The following NOL10 variants were observed in gnomAD, a reference collection of about 807,000 sequenced individuals.
NOL10 encodes the protein nucleolar protein 10.
Under a neutral mutation model 103.5 loss-of-function variants are expected in NOL10, and 58 were observed. The observed-to-expected ratio is 0.56, with a 90% CI of 0.45 to 0.70. The LOEUF is 0.70. NOL10 is among the 30% of genes least tolerant of loss of function. The pLI, the probability that NOL10 is intolerant of heterozygous loss-of-function variation, is 0.00. For missense variants in NOL10, 763 were observed against 807.3 expected (o/e 0.95, Z 0.67); for synonymous variants, 287 against 282.5 (o/e 1.02, Z -0.16).
chr2:10,663,187 C>A (rs1489444506), intron 8 of NOL10, 143 bp from the exon 9 acceptor site: 2 of 586,570 alleles, frequency 3.4e-6, no homozygotes, highest in Non-Finnish European at 6.1e-6. Context: ...ACTAACATGG[C>A]GAAACTCTGT....
intron 13 of NOL10, among the ~76,000 whole-genome samples, chr2:10,641,483 T>C (rs13027316): frequency 0.29 from 44,456 of 152,104 alleles, 7,086 homozygotes; most frequent in Non-Finnish European, 0.36. Flanking sequence ...TTTCATGTAC[T>C]TTGTAACCCA....
At chr2:10,636,597 G>A (rs1369077485) in intron 13 of NOL10, among the ~76,000 whole-genome samples, 1 of 138,004 alleles carries the variant, frequency 7.2e-6, no homozygotes, top group East Asian at 2.1e-4. Flanking sequence ...GAGACAGAGT[G>A]CGACCTTCAA....
chr2:10,595,922 A>C (rs1675664510), intron 17 of NOL10, among the ~76,000 whole-genome samples: 1 of 152,080 alleles, frequency 6.6e-6, no homozygotes, highest in Admixed American at 6.5e-5. Context: ...CTGTGCCCAG[A>C]CTGAAATGTT....
intron 13 of NOL10, among the ~76,000 whole-genome samples, chr2:10,625,865 T>C (rs1033968536): frequency 2.0e-5 from 3 of 152,118 alleles, no homozygotes; most frequent in African/African-American, 7.2e-5. Flanking sequence ...ATACATTTTT[T>C]TCATAATACA....
At chr2:10,603,753 TCA>T (rs1676107265) in intron 14 of NOL10, among the ~76,000 whole-genome samples, 1 of 152,196 alleles carries the variant, frequency 6.6e-6, no homozygotes, top group Non-Finnish European at 1.5e-5. Flanking sequence ...AACAATACTT[TCA>T]CAGAGTTTCC....
At chr2:10,591,904 G>C (rs1029349687) in intron 17 of NOL10, among the ~76,000 whole-genome samples, 4 of 152,190 alleles carry the variant, frequency 2.6e-5, no homozygotes, top group African/African-American at 9.7e-5. Flanking sequence ...TTGGAAGGCT[G>C]AGGTAGGAGG....
At position 10,614,014 on chromosome 2, in the gene NOL10, C is replaced by T. The variant is rs567314886; in HGVS notation, c.1027-6703G>A. Among the ~76,000 whole-genome samples the T allele has an allele frequency of 1.1e-3, 161 of 151,150 alleles. No individual in the cohort carries two copies. In the East Asian group the frequency reaches 0.015, roughly 14 times the overall value. On this transcript the variant is annotated intron_variant, in intron 13 of 20. Transcript: ENST00000381685. ...TCACTCTGTCACCCAGGCTGAAGTG[C>T]AGTGCCACGATCTCAGCTCACTGCA... is the stretch of plus-strand genomic sequence containing the variant.
intron 10 of NOL10, among the ~76,000 whole-genome samples, chr2:10,658,458 G>A (rs1427679579): frequency 6.6e-6 from 1 of 152,096 alleles, no homozygotes; most frequent in Non-Finnish European, 1.5e-5. Flanking sequence ...CTTGTAGGAG[G>A]CAAGTGTACA....
intron 2 of NOL10, among the ~76,000 whole-genome samples, chr2:10,682,527 A>G (rs917515735): frequency 6.6e-6 from 1 of 151,214 alleles, no homozygotes; most frequent in East Asian, 2.0e-4. Flanking sequence ...AGCCCCCCCA[A>G]ATAGCTAGGA....
intron 19 of NOL10, among the ~76,000 whole-genome samples, chr2:10,584,732 G>GT (rs1309671745): frequency 3.2e-4 from 48 of 152,218 alleles, no homozygotes; most frequent in African/African-American, 1.1e-3. Context: ...ATTTAACTTA[G>GT]TAAGAATGTT....
chr2:10,661,656 C>A (rs1572398856), intron 9 of NOL10, among the ~76,000 whole-genome samples: 1 of 152,190 alleles, frequency 6.6e-6, no homozygotes, highest in Admixed American at 6.5e-5. Context: ...CAGGTGTGAG[C>A]CACCGTGCCT....
At chr2:10,667,373 G>C in intron 7 of NOL10, 95 bp from the exon 8 acceptor site, 2 of 876,628 alleles carry the variant, frequency 2.3e-6, no homozygotes, top group Non-Finnish European at 3.7e-6. Context: ...CCCAAATTCT[G>C]AGTAGAAAGA....
At chr2:10,590,561 TACTGGGAAACAGAAGGGACGTTTC>T (rs1205313793) in intron 17 of NOL10, among the ~76,000 whole-genome samples, 2,060 of 31,504 alleles carry the variant, frequency 0.065, 57 homozygotes, top group African/African-American at 0.29. Flanking sequence ...CCAGCTGAGT[TACTGGGAAACAGAAGGGACGTTTC>T]CATCCCCTAC....
At chr2:10,652,039 AG>A (rs1266410240) in intron 12 of NOL10, among the ~76,000 whole-genome samples, 1 of 152,150 alleles carries the variant, frequency 6.6e-6, no homozygotes, top group Non-Finnish European at 1.5e-5. Flanking sequence ...CAGGAGTTCG[AG>A]ACCAGCCTGA....
chr2:10,646,782 A>G (rs776592564), intron 12 of NOL10, among the ~76,000 whole-genome samples: 4 of 152,246 alleles, frequency 2.6e-5, no homozygotes, highest in South Asian at 4.1e-4. Context: ...TCCAAGGCTC[A>G]TAACATGGGA....
At chr2:10,635,070 T>C (rs1678110444) in intron 13 of NOL10, among the ~76,000 whole-genome samples, 1 of 152,208 alleles carries the variant, frequency 6.6e-6, no homozygotes, top group South Asian at 2.1e-4. Flanking sequence ...AATAATGAGA[T>C]ATCTTGGGAT....
intron 11 of NOL10, among the ~76,000 whole-genome samples, 153 bp from the exon 12 acceptor site, chr2:10,654,700 A>G (rs1558326473): frequency 1.3e-5 from 2 of 152,334 alleles, no homozygotes; most frequent in Admixed American, 6.5e-5. Flanking sequence ...AAAATCTTAG[A>G]GAATTTATCT....
chr2:10,585,336 G>A (rs1033920108), intron 19 of NOL10, among the ~76,000 whole-genome samples: 2 of 152,212 alleles, frequency 1.3e-5, no homozygotes, highest in African/African-American at 4.8e-5. Flanking sequence ...GGCTGCACAC[G>A]CTGCTGGAGA....
At chr2:10,649,135 G>A (rs754184921) in intron 12 of NOL10, among the ~76,000 whole-genome samples, 1 of 152,036 alleles carries the variant, frequency 6.6e-6, no homozygotes, top group Non-Finnish European at 1.5e-5. Flanking sequence ...CCTGGGTGCA[G>A]GTGAGTGCCA....
Sources: allele counts gnomAD v4.1 joint callset (sites outside exome capture counted in the v4.1 genomes callset), GRCh38; gene constraint gnomAD v4.1.1; transcripts MANE v1.5; gene names NCBI Gene and HGNC (gene_info 2026-07-23, HGNC 2026-07-21).